SOX6: variants seen among roughly 807,000 people sequenced by gnomAD.
SOX6 encodes transcription factor SOX-6.
A neutral mutation model predicts 97.8 loss-of-function variants in SOX6; 11 were observed. That is an observed-to-expected ratio of 0.11 (90% CI 0.07 to 0.19). The LOEUF (loss-of-function observed/expected upper bound fraction) is 0.19. Ranked by LOEUF, SOX6 falls within the 10% of genes least tolerant of loss-of-function variation. SOX6 has a pLI of 1.00. For synonymous variants in SOX6, 360 were observed against 371.4 expected, an observed-to-expected ratio of 0.97 and a Z score of 0.35; for missense variants, 810 against 1,039.5, an observed-to-expected ratio of 0.78 and a Z score of 3.04.
intron 9 of SOX6, among the ~76,000 whole-genome samples, chr11:16,093,962 G>T (rs574287989): frequency 6.6e-6 from 1 of 151,750 alleles, no homozygotes; most frequent in South Asian, 2.1e-4. Context: ...TTTTAAACAA[G>T]GTCGATCTTT....
At chr11:16,084,571 C>T (rs780572437) in intron 9 of SOX6, among the ~76,000 whole-genome samples, 2 of 152,074 alleles carry the variant, frequency 1.3e-5, no homozygotes, top group Non-Finnish European at 2.9e-5. Context: ...AGTTCACAGA[C>T]GAAGAGACTG....
chr11:16,734,610 GC>G (rs1320539154), intron 2 of SOX6, among the ~76,000 whole-genome samples: 3 of 152,042 alleles, frequency 2.0e-5, no homozygotes, highest in Non-Finnish European at 4.4e-5. Flanking sequence ...TAAGTTTATT[GC>G]TCTCTCCTAA....
chr11:16,688,678 T>C (rs1847987773), intron 3 of SOX6, among the ~76,000 whole-genome samples: 1 of 152,210 alleles, frequency 6.6e-6, no homozygotes, highest in Non-Finnish European at 1.5e-5. Context: ...TTTGAACATA[T>C]AGAATACCAT....
At chr11:16,060,834 T>C (rs1320500351) in intron 9 of SOX6, among the ~76,000 whole-genome samples, 2 of 151,884 alleles carry the variant, frequency 1.3e-5, no homozygotes, top group African/African-American at 2.4e-5. Context: ...TATTTTAAAC[T>C]TCATGTGTAA....
At chr11:16,309,262 A>T (rs939835188) in intron 3 of SOX6, among the ~76,000 whole-genome samples, 19 of 152,226 alleles carry the variant, frequency 1.2e-4, no homozygotes, top group African/African-American at 4.6e-4. Flanking sequence ...AACTGGAAAA[A>T]GTCCAAGTGT....
At chr11:16,418,828 T>C (rs1459339049) in intron 1 of SOX6, among the ~76,000 whole-genome samples, 4 of 152,166 alleles carry the variant, frequency 2.6e-5, no homozygotes, top group African/African-American at 9.7e-5. Context: ...CATAATGAGA[T>C]GCATTGTCAG....
chr11:16,498,985 C>T (rs538946432), intron 4 of SOX6, among the ~76,000 whole-genome samples: 67 of 152,312 alleles, frequency 4.4e-4, no homozygotes, highest in Admixed American at 1.2e-3. Flanking sequence ...GAACTCTCCA[C>T]CCCAAATCAA....
intron 3 of SOX6, among the ~76,000 whole-genome samples, chr11:16,669,448 A>G (rs1847831390): frequency 6.6e-6 from 1 of 152,216 alleles, no homozygotes; most frequent in Non-Finnish European, 1.5e-5. Context: ...GCACACCCCC[A>G]GCATACTGCA....
At chr11:16,124,517 G>A (rs529754854) in intron 6 of SOX6, among the ~76,000 whole-genome samples, 4 of 152,004 alleles carry the variant, frequency 2.6e-5, no homozygotes, top group Admixed American at 6.6e-5. Context: ...CAAGGAAAGC[G>A]TCTCTGAAGA....
chr11:16,240,729 T>G (rs935590316), intron 3 of SOX6, among the ~76,000 whole-genome samples: 12 of 152,154 alleles, frequency 7.9e-5, no homozygotes, highest in African/African-American at 2.9e-4. Context: ...CAGAAACCTA[T>G]GGCCTGCTGC....
chr11:16,185,444 T>C (rs1020911672), intron 5 of SOX6, among the ~76,000 whole-genome samples: 1 of 152,176 alleles, frequency 6.6e-6, no homozygotes, highest in Admixed American at 6.6e-5. Context: ...AAGTGCTGCA[T>C]AGAAATGCAT....
intron 6 of SOX6, among the ~76,000 whole-genome samples, chr11:16,183,385 C>T (rs1851392570): frequency 6.6e-6 from 1 of 151,956 alleles, no homozygotes; most frequent in African/African-American, 2.4e-5. Flanking sequence ...GACAAACTAT[C>T]ACTCATTAAT....
intron 4 of SOX6, among the ~76,000 whole-genome samples, chr11:16,609,246 G>A (rs1235556030): frequency 6.6e-6 from 1 of 152,204 alleles, no homozygotes; most frequent in South Asian, 2.1e-4. Flanking sequence ...AGGTTGGCCT[G>A]CCTTAACCCA....
intron 3 of SOX6, among the ~76,000 whole-genome samples, chr11:16,273,490 T>C (rs1854312862): frequency 6.6e-6 from 1 of 151,884 alleles, no homozygotes; most frequent in African/African-American, 2.4e-5. Flanking sequence ...CCATTCAAAT[T>C]GCAAAATCTC....
intron 6 of SOX6, among the ~76,000 whole-genome samples, chr11:16,157,310 C>T (rs1157451081): frequency 6.6e-6 from 1 of 151,916 alleles, no homozygotes; most frequent in African/African-American, 2.4e-5. Flanking sequence ...TTTGAGGGGG[C>T]TAATATCCAA....
chr11:16,638,354 C>G (rs75204158), intron 3 of SOX6, among the ~76,000 whole-genome samples: 1 of 151,758 alleles, frequency 6.6e-6, no homozygotes, highest in African/African-American at 2.4e-5. Flanking sequence ...TGAATAGTGC[C>G]GCAATAAACA....
chr11:16,552,401 C>T (rs574784211), intron 4 of SOX6, among the ~76,000 whole-genome samples: 4 of 152,240 alleles, frequency 2.6e-5, no homozygotes, highest in African/African-American at 9.6e-5. Context: ...CCTCATTTCC[C>T]CCCTCCCAAA....
In SOX6 at chr11:16,607,068, G is replaced by C. The variant is rs1220238992; in HGVS notation, n.609+5013C>G. ...CAAGTACGCAAACCCGCCCCGGCCC[G>C]GCAGCCGCGGCTCCCGGCCACCCGC... On this transcript the variant is annotated intron_variant and non_coding_transcript_variant, in intron 4 of 5. Transcript: ENST00000524520. The surrounding 1 kb of genome is among the most constrained non-coding windows in gnomAD (Gnocchi z 6.5). 3.3e-5 allele frequency: 5 copies of C among 152,856 alleles called. No homozygotes were observed. Among genetic ancestry groups the C allele is most frequent in the Non-Finnish European group, 7.3e-5 (5 of 68,762 alleles). 9.5% of individuals were successfully genotyped at this position (152,856 alleles called of 1,614,324 possible). A position where few individuals can be genotyped will look rare whatever the true frequency, so the allele number is the denominator to read the frequency against.
intron 4 of SOX6, among the ~76,000 whole-genome samples, chr11:16,214,411 T>C (rs1242913245): frequency 6.6e-6 from 1 of 152,184 alleles, no homozygotes; most frequent in Admixed American, 6.5e-5. Flanking sequence ...TTCTGCATCT[T>C]ATACGCTGAC....
Sources: allele counts gnomAD v4.1 joint callset (sites outside exome capture counted in the v4.1 genomes callset), GRCh38; gene constraint gnomAD v4.1.1; non-coding constraint Gnocchi (gnomAD v3.1); transcripts MANE v1.5; gene names NCBI Gene and HGNC (gene_info 2026-07-23, HGNC 2026-07-21).